The following CCDC74B variants were observed in gnomAD, a reference collection of about 807,000 sequenced individuals.
The protein encoded by CCDC74B is coiled-coil domain containing 74B, also known as coiled-coil domain-containing protein 74B.
CCDC74B carries 34 observed loss-of-function variants against 38.0 expected under a neutral mutation model. The observed-to-expected ratio is 0.89, with a 90% confidence interval of 0.68 to 1.19. The LOEUF (loss-of-function observed/expected upper bound fraction) is 1.19, where lower values mean the gene tolerates loss of function less well. CCDC74B is among the 50% of genes most tolerant of loss of function. The pLI is 0.00. For missense variants in CCDC74B, 358 were observed against 406.0 expected (o/e 0.88, Z 1.02); for synonymous variants, 132 against 170.4 (o/e 0.77, Z 1.76).
chr2:130,143,149 A>G, intron 2 of CCDC74B, 120 bp downstream of exon 2: 3 of 1,540,630 alleles, frequency 1.9e-6, no homozygotes, highest in Non-Finnish European at 2.6e-6. Context: ...GTCCCCCAGA[A>G]CCTGTCCCCA....
intron 2 of CCDC74B, chr2:130,142,867 GC>G (rs1291498262): frequency 6.5e-7 from 1 of 1,550,368 alleles, no homozygotes. Flanking sequence ...GAGCCCCTGG[GC>G]CCCCAGCATG....
At position 130,141,254 on chromosome 2, in the gene CCDC74B, G is replaced by A. The variant is rs749804847; in HGVS notation, c.389C>T (p.Ser130Leu). Residue 130 changes from serine (S) to leucine (L), a missense_variant, in exon 4 of 8, where the codon TCA becomes TTA. Coordinates refer to ENST00000409943, the MANE Select transcript of CCDC74B (RefSeq NM_001258307.2). ...PQPGSFNKQD[S>L]KADVPQKADL... is the part of the protein sequence containing the mutation. Reference sequence around the variant, plus strand: ...CGCCTTCTGGGGGACGTCAGCTTTTGAATCTTGCTTGTTGAAGGAGCCGGG... The same window carrying A: ...CGCCTTCTGGGGGACGTCAGCTTTTAAATCTTGCTTGTTGAAGGAGCCGGG... 6.2e-7 allele frequency: 1 copy of A among 1,602,262 alleles called. No homozygotes were observed. The highest frequency in any genetic ancestry group is 1.7e-5 in the Admixed American group (1 of 59,686).
intron 2 of CCDC74B, chr2:130,142,700 G>C (rs1439706447): frequency 7.8e-6 from 12 of 1,545,934 alleles, no homozygotes; most frequent in East Asian, 2.4e-5. Flanking sequence ...AAGTGAGCTC[G>C]AGACCACAAC....
Position 130,144,915 on chromosome 2 carries a change from A to G in CCDC74B, c.82T>C (p.Ser28Pro), listed in dbSNP as rs750640987. 7.0e-6 allele frequency: 11 copies of G among 1,563,468 alleles called. No homozygotes were observed. Among genetic ancestry groups the G allele is most frequent in the Non-Finnish European group, 9.5e-6 (11 of 1,161,508 alleles). Reference protein sequence around the residue: ...PGSRRRRQRPSVGVQSLRPQS... With the variant: ...PGSRRRRQRPPVGVQSLRPQS... ...GGCCTCAAGGACTGGACGCCCACAG[A>G]GGGGCGCTGGCGCCGGCGCCGAGAG... is the stretch of plus-strand genomic sequence containing the variant. The change falls in exon 1 of 8, where the codon TCT (serine) becomes CCT (proline). Residue 28 changes from serine (S) to proline (P), a missense_variant. Coordinates refer to ENST00000409943, the MANE Select transcript of CCDC74B (RefSeq NM_001258307.2).
At chr2:130,143,042 A>G (rs754299957) in intron 2 of CCDC74B, 1 of 1,491,312 alleles carries the variant, frequency 6.7e-7, no homozygotes, top group Non-Finnish European at 8.9e-7. Flanking sequence ...TCCCCACTGC[A>G]ATGACCTCAG....
chr2:130,140,242 T>A lies in CCDC74B; in HGVS notation c.615A>T (p.Thr205=). ...GGATGAGCACTTCGCACTGCCTAAG[T>A]GTGGTGGGCTTTCGCAGGGGAAGGG... is the stretch of plus-strand genomic sequence containing the variant. The part of the protein sequence containing the change: ...ILPLPLRKPT[T]LRQCEVLIRE... Residue 205 remains threonine (T), a synonymous_variant, in exon 5 of 8, where the codon ACA becomes ACT. Coordinates refer to ENST00000409943, the MANE Select transcript of CCDC74B (RefSeq NM_001258307.2). 1 of 1,613,322 alleles carries A rather than the reference T, an allele frequency of 6.2e-7. No individual in the cohort carries two copies. The highest frequency in any genetic ancestry group is 1.7e-4 in the Middle Eastern group (1 of 5,986).
chr2:130,142,330 C>T lies in CCDC74B; in HGVS notation c.296-147G>A, dbSNP rs752589182. 32 of 1,612,150 alleles carry T rather than the reference C, an allele frequency of 2.0e-5. No homozygotes were observed. The Admixed American group carries it at 2.0e-4, about 10-fold the overall frequency. On this transcript the variant is annotated intron_variant, in intron 2 of 7. Coordinates refer to ENST00000409943, the MANE Select transcript of CCDC74B (RefSeq NM_001258307.2). ...CCACACTCCGTTGATGCAGACCCAGCGAGCGCCCAAGGGAGCAGAGGCCCT... is the reference window on the plus strand; with the variant it reads ...CCACACTCCGTTGATGCAGACCCAGTGAGCGCCCAAGGGAGCAGAGGCCCT...
intron 2 of CCDC74B, chr2:130,143,000 G>A: frequency 6.7e-7 from 1 of 1,501,108 alleles, no homozygotes. Flanking sequence ...CTACTTGGAG[G>A]AGGGAGGTCT....
intron 1 of CCDC74B, among the ~76,000 whole-genome samples, chr2:130,143,783 G>A (rs1685832552): frequency 6.6e-6 from 1 of 152,106 alleles, no homozygotes; most frequent in Non-Finnish European, 1.5e-5. Flanking sequence ...ACTCAGGTAA[G>A]GCAGCAGCAG....
At position 130,144,630 on chromosome 2, in the gene CCDC74B, T is replaced by A. The variant is rs942574437; in HGVS notation, c.250+117A>T. 5.2e-6 allele frequency: 8 copies of A among 1,545,408 alleles called. No homozygotes were observed. The East Asian group carries it at 1.7e-4, about 33-fold the overall frequency. On this transcript the variant is annotated intron_variant, in intron 1 of 7. Coordinates refer to ENST00000409943, the MANE Select transcript of CCDC74B (RefSeq NM_001258307.2). ...GGCAGGGCGGGCTTACCGTCCTGTG[T>A]TCCCCCTGAGCCCAGGCGTGTGCTG...
In CCDC74B at chr2:130,142,424, C is replaced by G. The variant is rs116132684; in HGVS notation, c.296-241G>C. On this transcript the variant is annotated intron_variant, in intron 2 of 7. Transcript: ENST00000409943. ...TTGGGACACATGGAACAGCAGGTCC[C>G]GAGGGAGAGCATGGCCTCTTCCCGT... The G allele has an allele frequency of 7.9e-3, 12,791 of 1,612,854 alleles. 96 individuals carry two copies. The African/African-American group carries it at 0.14, about 18-fold the overall frequency.
chr2:130,142,255 C>T (rs372517815), intron 2 of CCDC74B, 72 bp from the exon 3 acceptor site: 459 of 1,589,042 alleles, frequency 2.9e-4, no homozygotes, highest in Non-Finnish European at 3.7e-4. Context: ...CCTGTGTGTC[C>T]GTGAGGAGCC....
chr2:130,145,041 C>T lies in CCDC74B; in HGVS notation c.-45G>A. 1 of 1,407,792 alleles carries T rather than the reference C, an allele frequency of 7.1e-7. No individual in the cohort carries two copies. The highest frequency in any genetic ancestry group is 2.7e-5 in the East Asian group (1 of 36,612). The allele number at this position is 1,407,792 out of a possible 1,614,324, so 87.2% of individuals were successfully genotyped here. A position where few individuals can be genotyped will look rare whatever the true frequency, so the allele number is the denominator to read the frequency against. Reference sequence around the variant, plus strand: ...CTCCCGCTGCCACTGCACCCCGGCTCAGTGGCCAGGCCGCCCTAGCCTGGC... The same window carrying T: ...CTCCCGCTGCCACTGCACCCCGGCTTAGTGGCCAGGCCGCCCTAGCCTGGC... On this transcript the variant is annotated 5_prime_UTR_variant, in exon 1 of 8. Coordinates refer to ENST00000409943, the MANE Select transcript of CCDC74B (RefSeq NM_001258307.2).
intron 2 of CCDC74B, chr2:130,142,448 G>C: frequency 1.9e-6 from 3 of 1,613,016 alleles, no homozygotes; most frequent in Non-Finnish European, 2.5e-6. Flanking sequence ...GCCTCTTCCC[G>C]TGTCCTGTCA....
rs1573630765 is a variant in CCDC74B at position 130,140,285 on chromosome 2, T to G, written c.572A>C (p.His191Pro). ...HQGRQMGAAA[H>P]PPMILPLPLR... is the part of the protein sequence containing the mutation. ...GGGAAGGGGCAGGATCATTGGGGGG[T>G]GTGCCGCCGCCCCCATCTGCCTGCC... The change falls in exon 5 of 8, where the codon CAC becomes CCC. Residue 191 changes from histidine to proline, a missense_variant. By Grantham distance (77) the His-to-Pro change is moderately conservative. Transcript: ENST00000409943. 2 of 1,612,812 alleles carry G rather than the reference T, an allele frequency of 1.2e-6. No homozygotes were observed. The highest frequency in any genetic ancestry group is 1.1e-5 in the South Asian group (1 of 90,994).
At chr2:130,140,744 C>T (rs1384413370) in intron 4 of CCDC74B, 9 of 372,424 alleles carry the variant, frequency 2.4e-5, no homozygotes, top group Non-Finnish European at 4.3e-5. Flanking sequence ...CATCTCAGGG[C>T]AGTCCCGCAA....
chr2:130,141,152 C>T lies in CCDC74B; in HGVS notation c.485+6G>A, dbSNP rs368958470. 1.7e-3 allele frequency: 2,715 copies of T among 1,612,068 alleles called. 13 individuals carry two copies. The African/African-American group carries it at 0.033, about 19-fold the overall frequency. Reference sequence around the variant, plus strand: ...CCCTTGCACCCCAGGAACACCCAAGCCTTACCTGGCCTGCCCTTGTACCCC... The same window carrying T: ...CCCTTGCACCCCAGGAACACCCAAGTCTTACCTGGCCTGCCCTTGTACCCC... On this transcript the variant is annotated splice_donor_region_variant and intron_variant, in intron 4 of 7. Coordinates refer to ENST00000409943, the MANE Select transcript of CCDC74B (RefSeq NM_001258307.2).
intron 3 of CCDC74B, chr2:130,141,773 T>A: frequency 2.2e-6 from 1 of 444,482 alleles, no homozygotes; most frequent in South Asian, 2.4e-5. Context: ...GTGCCATCCC[T>A]CCTGTGTCCT....
rs138499909 is a variant in CCDC74B, at chr2:130,139,663, C to T, written c.837G>A (p.Glu279=). The T allele has an allele frequency of 2.2e-5, 35 of 1,613,060 alleles. No individual in the cohort carries two copies. The highest frequency in any genetic ancestry group is 2.4e-5 in the Non-Finnish European group (28 of 1,179,980). ...GCTTCAGTGCGGGCAGGATGGCACGCTCCGCCACAGGTGGGCTCAGAAGCA... is the reference window on the plus strand; with the variant it reads ...GCTTCAGTGCGGGCAGGATGGCACGTTCCGCCACAGGTGGGCTCAGAAGCA... ...KCLLLSPPVA[E]RAILPALKQT... is the part of the protein sequence containing the mutation. The change falls in exon 8 of 8, where the codon GAG becomes GAA. Residue 279 remains glutamate, a synonymous_variant. Transcript: ENST00000409943.
Sources: allele counts gnomAD v4.1 joint callset (sites outside exome capture counted in the v4.1 genomes callset), GRCh38; gene constraint gnomAD v4.1.1; transcripts MANE v1.5; gene names NCBI Gene and HGNC (gene_info 2026-07-23, HGNC 2026-07-21).